GPC6: variants seen among roughly 807,000 people sequenced by gnomAD.
GPC6 encodes the protein glypican 6, also known as glypican-6.
Under a neutral mutation model 55.2 loss-of-function variants are expected in GPC6, and 14 were observed. The observed-to-expected ratio is 0.25, with a 90% CI of 0.17 to 0.40. GPC6 has a LOEUF of 0.40. Among genes scored for constraint, GPC6 ranks in the 10% least tolerant of loss-of-function variants. The pLI is 1.00. For missense variants in GPC6, 641 were observed against 708.5 expected, an observed-to-expected ratio of 0.90 and a Z score of 1.08; for synonymous variants, 278 against 259.6, an observed-to-expected ratio of 1.07 and a Z score of -0.68.
chr13:94,027,248 C>T lies in GPC6; in HGVS notation c.712-481C>T, dbSNP rs1199666063. The stretch of plus-strand genomic sequence containing the variant: ...AGATGGTACCTTGGCAGTTCCATTG[C>T]TTCTAAGCAGGCCTGGATCTTAGAG... On this transcript the variant is annotated intron_variant, in intron 3 of 8. Coordinates refer to ENST00000377047, the MANE Select transcript of GPC6 (RefSeq NM_005708.5). 2.0e-5 allele frequency among the ~76,000 whole-genome samples: 3 copies of T among 152,132 alleles called. No homozygotes were observed. The East Asian group carries it at 5.8e-4, about 29-fold the overall frequency.
intron 3 of GPC6, among the ~76,000 whole-genome samples, chr13:94,010,489 T>C (rs1882201196): frequency 6.6e-6 from 1 of 152,174 alleles, no homozygotes; most frequent in African/African-American, 2.4e-5. Context: ...AGAGACACAC[T>C]TTATAATATG....
At chr13:93,283,594 A>T (rs1878019977) in intron 1 of GPC6, among the ~76,000 whole-genome samples, 1 of 152,178 alleles carries the variant, frequency 6.6e-6, no homozygotes, top group Non-Finnish European at 1.5e-5. Context: ...AAAGAACAAA[A>T]CACCCAAAAG....
chr13:93,895,444 T>C (rs905058099), intron 3 of GPC6, among the ~76,000 whole-genome samples: 1 of 151,634 alleles, frequency 6.6e-6, no homozygotes, highest in African/African-American at 2.4e-5. Flanking sequence ...TCAATGTGGT[T>C]AGACTAAATA....
chr13:93,591,430 C>T (rs968875292), intron 2 of GPC6, among the ~76,000 whole-genome samples: 2 of 147,982 alleles, frequency 1.4e-5, no homozygotes, highest in African/African-American at 5.0e-5. Flanking sequence ...CGCCACTGCA[C>T]TCCAGCCTGG....
At chr13:93,842,569 A>G (rs899254781) in intron 3 of GPC6, among the ~76,000 whole-genome samples, 4 of 152,022 alleles carry the variant, frequency 2.6e-5, no homozygotes, top group African/African-American at 7.2e-5. Flanking sequence ...TTCACTCCCA[A>G]CTGTCCAAGA....
chr13:93,403,935 T>C (rs1876189379), intron 1 of GPC6, among the ~76,000 whole-genome samples: 1 of 152,128 alleles, frequency 6.6e-6, no homozygotes. Context: ...AAATTTTGAT[T>C]TATTATAGAA....
At chr13:93,917,914 C>T (rs971403990) in intron 3 of GPC6, among the ~76,000 whole-genome samples, 4 of 152,002 alleles carry the variant, frequency 2.6e-5, no homozygotes, top group African/African-American at 9.7e-5. Flanking sequence ...CTGGCCAATA[C>T]GGTGAAACCC....
rs1881290649 is a variant in GPC6 at position 94,404,562 on chromosome 13, T to C, written c.*1345T>C. On this transcript the variant is annotated 3_prime_UTR_variant, in exon 9 of 9. Coordinates refer to ENST00000377047, the MANE Select transcript of GPC6 (RefSeq NM_005708.5). Reference sequence around the variant, plus strand: ...AGAGAACTTTTTATGTATCTAACTGTCCATTTATTAAAAATTTGCCAGGGC... The same window carrying C: ...AGAGAACTTTTTATGTATCTAACTGCCCATTTATTAAAAATTTGCCAGGGC... 6.6e-6 allele frequency: 1 copy of C among 152,168 alleles called. No individual in the cohort carries two copies. Among genetic ancestry groups the C allele is most frequent in the African/African-American group, 2.4e-5 (1 of 41,438 alleles). 9.4% of individuals were successfully genotyped at this position (152,168 alleles called of 1,614,324 possible).
At chr13:94,045,877 T>C (rs752349022) in intron 4 of GPC6, among the ~76,000 whole-genome samples, 8 of 151,992 alleles carry the variant, frequency 5.3e-5, no homozygotes, top group Admixed American at 2.6e-4. Flanking sequence ...GTTAATGATA[T>C]TCTTAACAAT....
chr13:94,369,158 T>C (rs963013340), intron 6 of GPC6, among the ~76,000 whole-genome samples: 1 of 152,228 alleles, frequency 6.6e-6, no homozygotes, highest in African/African-American at 2.4e-5. Context: ...ATATATTATT[T>C]ACATCTGGTC....
intron 2 of GPC6, among the ~76,000 whole-genome samples, chr13:93,577,713 G>A (rs1311405997): frequency 2.6e-5 from 4 of 151,888 alleles, no homozygotes; most frequent in Admixed American, 6.6e-5. Flanking sequence ...TCTTTCTCTT[G>A]CCTAATTGCT....
At chr13:94,069,522 T>C (rs751995216) in intron 4 of GPC6, among the ~76,000 whole-genome samples, 1 of 152,212 alleles carries the variant, frequency 6.6e-6, no homozygotes, top group Non-Finnish European at 1.5e-5. Context: ...AATGGGATTT[T>C]CTTTTTTAGC....
chr13:93,751,324 T>C (rs9556322), intron 2 of GPC6, among the ~76,000 whole-genome samples: 7,710 of 152,016 alleles, frequency 0.051, 385 homozygotes, highest in East Asian at 0.28. Context: ...TATACTTCAT[T>C]GTGTTAGTCA....
At chr13:94,083,185 C>G (rs1199793408) in intron 4 of GPC6, among the ~76,000 whole-genome samples, 1 of 152,186 alleles carries the variant, frequency 6.6e-6, no homozygotes, top group African/African-American at 2.4e-5. Flanking sequence ...GTGGTGCAAT[C>G]TCGGGTCACT....
At chr13:93,911,503 G>A (rs570401515) in intron 3 of GPC6, among the ~76,000 whole-genome samples, 7 of 152,162 alleles carry the variant, frequency 4.6e-5, no homozygotes, top group East Asian at 1.9e-4. Flanking sequence ...AGGATGTGAG[G>A]CATGATATTG....
intron 3 of GPC6, among the ~76,000 whole-genome samples, chr13:93,953,948 A>T (rs374556674): frequency 2.7e-4 from 41 of 152,312 alleles, no homozygotes; most frequent in African/African-American, 9.6e-4. Flanking sequence ...AAAGTGTACA[A>T]TTCACTGACA....
intron 2 of GPC6, among the ~76,000 whole-genome samples, chr13:93,629,181 AAC>A (rs1046060727): frequency 1.3e-5 from 2 of 152,196 alleles, no homozygotes; most frequent in African/African-American, 2.4e-5. Context: ...GAAAAGGTTA[AAC>A]ACACAGTCTG....
At chr13:94,176,422 G>T (rs1269826581) in intron 4 of GPC6, among the ~76,000 whole-genome samples, 2 of 152,152 alleles carry the variant, frequency 1.3e-5, no homozygotes, top group African/African-American at 4.8e-5. Context: ...GGAACTCATA[G>T]ACATAGCAGA....
At chr13:93,756,804 G>T (rs752209979) in intron 2 of GPC6, among the ~76,000 whole-genome samples, 1 of 152,052 alleles carries the variant, frequency 6.6e-6, no homozygotes, top group Non-Finnish European at 1.5e-5. Context: ...TGATAAGCTG[G>T]CAATTTTGTT....
Sources: gnomAD v4.1 joint callset for allele counts (sites outside exome capture counted in the v4.1 genomes callset) on GRCh38, gnomAD v4.1.1 for gene constraint, MANE v1.5 for transcripts, NCBI Gene and HGNC (gene_info 2026-07-23, HGNC 2026-07-21) for gene names.